IQSEC1: variants seen among roughly 807,000 people sequenced by gnomAD.
IQSEC1 encodes the protein IQ motif and SEC7 domain-containing protein 1.
A neutral mutation model predicts 91.0 loss-of-function variants in IQSEC1; 31 were observed. That is an observed-to-expected ratio of 0.34 (90% CI 0.26 to 0.46). The LOEUF is 0.46. Ranked by LOEUF, IQSEC1 falls within the 20% of genes least tolerant of loss-of-function variation. The pLI is 1.00. For missense variants in IQSEC1, 1,388 were observed against 1,575.6 expected, an observed-to-expected ratio of 0.88 and a Z score of 2.02; for synonymous variants, 699 against 662.6, an observed-to-expected ratio of 1.05 and a Z score of -0.84.
At chr3:12,901,658 G>A (rs1302847532) in intron 13 of IQSEC1, 136 bp from the exon 14 acceptor site, 13 of 751,730 alleles carry the variant, frequency 1.7e-5, no homozygotes, top group Middle Eastern at 3.3e-4. Context: ...AGAGGGTGGG[G>A]CTCAGTGAGG....
chr3:12,923,049 T>C lies in IQSEC1; in HGVS notation c.1731-807A>G, dbSNP rs139618550. ...GGGGGCGATGCAGCTGCTCCCACCC[T>C]CCTCTGAGCGCTCAAGGCCTCCTGG... On this transcript the variant is annotated intron_variant, in intron 4 of 13. Transcript: ENST00000613206. Among the ~76,000 whole-genome samples the C allele has an allele frequency of 4.5e-3, 686 of 152,172 alleles. 11 individuals are homozygous for C. The highest frequency in any genetic ancestry group is 0.015 in the African/African-American group (642 of 41,494).
intron 1 of IQSEC1, among the ~76,000 whole-genome samples, chr3:12,984,948 C>G (rs1410649925): frequency 1.3e-5 from 2 of 151,064 alleles, no homozygotes; most frequent in Non-Finnish European, 2.9e-5. Flanking sequence ...CCTCAGCCTC[C>G]CGAGTAGCTG....
chr3:13,206,792 A>G (rs1270533265), intron 1 of IQSEC1, among the ~76,000 whole-genome samples: 4 of 152,200 alleles, frequency 2.6e-5, no homozygotes, highest in South Asian at 2.1e-4. Context: ...ACATCTTGGT[A>G]TTTATTTGTG....
intron 1 of IQSEC1, among the ~76,000 whole-genome samples, chr3:12,990,964 A>G (rs934274629): frequency 6.6e-6 from 1 of 152,228 alleles, no homozygotes; most frequent in Non-Finnish European, 1.5e-5. Context: ...TTAGAAAGCC[A>G]CATACACAGT....
chr3:13,265,669 A>G (rs533811204), intron 1 of IQSEC1, among the ~76,000 whole-genome samples: 14 of 152,232 alleles, frequency 9.2e-5, no homozygotes, highest in Non-Finnish European at 2.9e-5. Flanking sequence ...TGTCCTCACA[A>G]TCCAAAGTGG....
At position 13,021,701 on chromosome 3, in the gene IQSEC1, G is replaced by A. The variant is rs574098437; in HGVS notation, c.23+51291C>T. On this transcript the variant is annotated intron_variant, in intron 1 of 13. Transcript: ENST00000613206. ...CGCGTGTGAGCCCCATTTCGCTGGT[G>A]GGTAACAGGCTCAGAGATGCTGTGG... Among the ~76,000 whole-genome samples the A allele has an allele frequency of 2.0e-5, 3 of 152,344 alleles. No individual in the cohort carries two copies. The South Asian group carries it at 6.2e-4, about 32-fold the overall frequency.
chr3:13,178,031 C>T (rs1214948845), intron 1 of IQSEC1, among the ~76,000 whole-genome samples: 2 of 152,244 alleles, frequency 1.3e-5, no homozygotes, highest in Admixed American at 6.5e-5. Context: ...AGCCATGCTG[C>T]CAAAACACCC....
chr3:12,987,154 A>T, intron 1 of IQSEC1: 1 of 234,920 alleles, frequency 4.3e-6, no homozygotes, highest in South Asian at 3.2e-5. Flanking sequence ...AGTCAGCGCC[A>T]GCCAGACACG....
At chr3:13,138,375 G>A (rs1706745466) in intron 2 of IQSEC1, among the ~76,000 whole-genome samples, 1 of 151,902 alleles carries the variant, frequency 6.6e-6, no homozygotes, top group South Asian at 2.1e-4. Flanking sequence ...GAGAGGAGCG[G>A]CTGGCCTTGG....
At chr3:12,963,456 T>A (rs1700365966) in intron 1 of IQSEC1, among the ~76,000 whole-genome samples, 1 of 152,130 alleles carries the variant, frequency 6.6e-6, no homozygotes, top group South Asian at 2.1e-4. Context: ...AAGAAAACTG[T>A]GAGGAATCAT....
At chr3:13,204,434 A>T (rs1694303569) in intron 1 of IQSEC1, among the ~76,000 whole-genome samples, 1 of 152,346 alleles carries the variant, frequency 6.6e-6, no homozygotes, top group African/African-American at 2.4e-5. Flanking sequence ...GCACTGTCGC[A>T]CTTCCCCCTC....
chr3:13,272,953 T>C (rs937845520), intron 1 of IQSEC1, among the ~76,000 whole-genome samples: 9 of 152,244 alleles, frequency 5.9e-5, no homozygotes, highest in African/African-American at 2.2e-4. Flanking sequence ...CACCTGATTC[T>C]AAATTCCATG....
intron 1 of IQSEC1, among the ~76,000 whole-genome samples, chr3:13,223,067 G>A (rs770131049): frequency 6.6e-6 from 1 of 152,216 alleles, no homozygotes; most frequent in South Asian, 2.1e-4. Flanking sequence ...CTCTGCCATC[G>A]AGGTTTGGGC....
At chr3:13,091,308 G>T (rs1248284615) in intron 2 of IQSEC1, among the ~76,000 whole-genome samples, 1 of 152,250 alleles carries the variant, frequency 6.6e-6, no homozygotes, top group East Asian at 1.9e-4. Context: ...ACTCCAGGAG[G>T]CCAGGGGAGT....
intron 6 of IQSEC1, among the ~76,000 whole-genome samples, chr3:12,919,988 G>T (rs1037703112): frequency 6.6e-6 from 1 of 152,318 alleles, no homozygotes. Context: ...GAACTCAGCA[G>T]CACTGCTTTC....
intron 1 of IQSEC1, among the ~76,000 whole-genome samples, chr3:13,204,144 G>T (rs574781964): frequency 6.6e-6 from 1 of 152,258 alleles, no homozygotes; most frequent in East Asian, 1.9e-4. Context: ...GGGCAGGGAA[G>T]ACGCCAAGCC....
intron 2 of IQSEC1, among the ~76,000 whole-genome samples, chr3:13,079,425 TC>T (rs1366458915): frequency 6.6e-6 from 1 of 152,170 alleles, no homozygotes; most frequent in African/African-American, 2.4e-5. Flanking sequence ...CCAGCAAATT[TC>T]CTGCCCAGCC....
intron 1 of IQSEC1, among the ~76,000 whole-genome samples, chr3:12,971,207 C>G (rs1416916780): frequency 6.6e-6 from 1 of 152,210 alleles, no homozygotes; most frequent in Non-Finnish European, 1.5e-5. Context: ...TCCAACTACC[C>G]TGGCAAACCC....
At chr3:12,918,951 C>G (rs904169341) in intron 6 of IQSEC1, among the ~76,000 whole-genome samples, 2 of 152,236 alleles carry the variant, frequency 1.3e-5, no homozygotes, top group African/African-American at 4.8e-5. Flanking sequence ...CAAACTCCCC[C>G]TGGGCTGCCA....
Sources: allele counts gnomAD v4.1 joint callset (sites outside exome capture counted in the v4.1 genomes callset), GRCh38; gene constraint gnomAD v4.1.1; transcripts MANE v1.5; gene names NCBI Gene and HGNC (gene_info 2026-07-23, HGNC 2026-07-21).